The following SPMIP4 variants were observed in gnomAD, a reference collection of about 807,000 sequenced individuals.
The protein encoded by SPMIP4 is sperm microtubule inner protein 4, also known as sperm-associated microtubule inner protein 4.
the SPMIP4 span, chr7:25,161,372 C>A: frequency 2.0e-6 from 1 of 490,660 alleles, no homozygotes; most frequent in Non-Finnish European, 3.6e-6. Context: ...TGTAGAAATT[C>A]AATATATGAA....
the SPMIP4 span, among the ~76,000 whole-genome samples, chr7:25,134,284 AACACAC>A: frequency 6.6e-6 from 1 of 150,414 alleles, no homozygotes; most frequent in Admixed American, 6.6e-5. Flanking sequence ...ACAAAAACAA[AACACAC>A]ACACACACAC....
the SPMIP4 span, among the ~76,000 whole-genome samples, chr7:25,174,604 G>A: frequency 1.3e-5 from 2 of 152,046 alleles, no homozygotes; most frequent in South Asian, 2.1e-4. This position sits in a 1 kb window ranked among gnomAD's most constrained non-coding sequence, Gnocchi z 4.5. Flanking sequence ...TTTAAGAGTC[G>A]GACAACAGCA....
At chr7:25,133,165 G>A in the SPMIP4 span, among the ~76,000 whole-genome samples, 2 of 152,152 alleles carry the variant, frequency 1.3e-5, no homozygotes, top group Admixed American at 6.5e-5. Context: ...ATTGCAAAAG[G>A]TAATATGCTA....
the SPMIP4 span, chr7:25,142,478 T>A: frequency 1.2e-6 from 1 of 852,668 alleles, no homozygotes; most frequent in Non-Finnish European, 1.7e-6. Flanking sequence ...CAGCTACCTA[T>A]GAAGAGAAAT....
chr7:25,145,497 G>A, the SPMIP4 span, among the ~76,000 whole-genome samples: 10 of 152,212 alleles, frequency 6.6e-5, no homozygotes, highest in East Asian at 1.9e-3. Flanking sequence ...GTTACTCTGA[G>A]AGGATAGTGA....
At chr7:25,137,683 T>C in the SPMIP4 span, among the ~76,000 whole-genome samples, 2 of 152,202 alleles carry the variant, frequency 1.3e-5, no homozygotes, top group Non-Finnish European at 2.9e-5. Context: ...ACATTCTCTC[T>C]GCAGCATGTC....
the SPMIP4 span, among the ~76,000 whole-genome samples, chr7:25,150,498 G>A: frequency 6.6e-6 from 1 of 152,178 alleles, no homozygotes; most frequent in Non-Finnish European, 1.5e-5. Context: ...TGGTTTGCCA[G>A]GTAAAATTCA....
chr7:25,144,017 G>C, the SPMIP4 span, among the ~76,000 whole-genome samples: 12 of 152,220 alleles, frequency 7.9e-5, no homozygotes, highest in African/African-American at 2.9e-4. Context: ...GTTATATGCA[G>C]AAACTGGGCC....
the SPMIP4 span, among the ~76,000 whole-genome samples, chr7:25,141,542 A>T: frequency 7.2e-6 from 1 of 138,114 alleles, no homozygotes; most frequent in South Asian, 2.5e-4. Flanking sequence ...ACCGTACTCC[A>T]GCCTGGCAAC....
At chr7:25,126,721 A>G in the SPMIP4 span, among the ~76,000 whole-genome samples, 4 of 152,240 alleles carry the variant, frequency 2.6e-5, no homozygotes, top group African/African-American at 7.2e-5. Flanking sequence ...AACAGTTTAC[A>G]CACAATTACA....
the SPMIP4 span, among the ~76,000 whole-genome samples, chr7:25,163,136 T>C: frequency 6.6e-6 from 1 of 152,168 alleles, no homozygotes; most frequent in African/African-American, 2.4e-5. This position sits in a 1 kb window ranked among gnomAD's most constrained non-coding sequence, Gnocchi z 4.4. Flanking sequence ...GTACGGTTAA[T>C]GTAAAAAGAG....
chr7:25,180,237 G>A, the SPMIP4 span: 1 of 153,094 alleles, frequency 6.5e-6, no homozygotes, highest in Non-Finnish European at 1.5e-5. Context: ...GGGCGCAGTA[G>A]GAGGCTCTTA....
At chr7:25,155,024 A>T in the SPMIP4 span, 1 of 1,613,592 alleles carries the variant, frequency 6.2e-7, no homozygotes, top group Non-Finnish European at 8.5e-7. Flanking sequence ...TTGTCTTCAA[A>T]ACTGTTGAAT....
the SPMIP4 span, chr7:25,142,926 G>T: frequency 6.7e-6 from 5 of 746,592 alleles, no homozygotes; most frequent in South Asian, 3.4e-5. Context: ...ACGTCAGAAT[G>T]GTTTTTTTTT....
chr7:25,142,415 A>G, the SPMIP4 span: 2 of 1,055,530 alleles, frequency 1.9e-6, no homozygotes, highest in South Asian at 1.6e-5. Context: ...AAACTTACCC[A>G]TTCCTTTTGT....
the SPMIP4 span, chr7:25,126,055 A>G: frequency 1.5e-4 from 1 of 6,552 alleles, no homozygotes; most frequent in Non-Finnish European, 2.6e-4. Flanking sequence ...AAGTAGGTAA[A>G]TATATATATA....
chr7:25,148,477 C>CTTTTTT, the SPMIP4 span, among the ~76,000 whole-genome samples: 10 of 128,182 alleles, frequency 7.8e-5, 3 homozygotes, highest in Admixed American at 1.6e-4. Context: ...GAATCTGCCT[C>CTTTTTT]TTTTTTTTTT....
the SPMIP4 span, chr7:25,135,393 CTT>C: frequency 3.0e-6 from 3 of 985,270 alleles, no homozygotes; most frequent in Non-Finnish European, 3.6e-6. Context: ...TTTTCGCTGA[CTT>C]ATTTTCTTTA....
the SPMIP4 span, among the ~76,000 whole-genome samples, chr7:25,147,801 G>A: frequency 6.6e-6 from 1 of 152,108 alleles, no homozygotes; most frequent in Non-Finnish European, 1.5e-5. Context: ...ATATTGTGCT[G>A]GGTGCTTTTC....
Sources: allele counts gnomAD v4.1 joint callset (sites outside exome capture counted in the v4.1 genomes callset), GRCh38; gene constraint gnomAD v4.1.1; non-coding constraint Gnocchi (gnomAD v3.1); transcripts MANE v1.5; gene names NCBI Gene and HGNC (gene_info 2026-07-23, HGNC 2026-07-21).